The following ARHGEF5 variants were observed in gnomAD, a reference collection of about 807,000 sequenced individuals.
The protein encoded by ARHGEF5 is Rho guanine nucleotide exchange factor 5, also known as Rho guanine nucleotide exchange factor (GEF) 5.
ARHGEF5 carries 11 observed loss-of-function variants against 104.0 expected under a neutral mutation model. That is an observed-to-expected ratio of 0.11 (90% CI 0.07 to 0.18). The LOEUF is 0.18. ARHGEF5 is among the 10% of genes least tolerant of loss of function. The pLI, the probability that ARHGEF5 is intolerant of heterozygous loss-of-function variation, is 1.00. For missense variants in ARHGEF5, 165 were observed against 1,335.4 expected, an observed-to-expected ratio of 0.12 and a Z score of 13.66; for synonymous variants, 60 against 512.2, an observed-to-expected ratio of 0.12 and a Z score of 11.92.
chr7:144,359,919 G>C (rs1378688016), intron 1 of ARHGEF5, among the ~76,000 whole-genome samples: 8 of 144,334 alleles, frequency 5.5e-5, no homozygotes, highest in African/African-American at 2.0e-4. Context: ...TGCCCAAGCT[G>C]TGGCCGGGTG....
chr7:144,377,295 G>A (rs891640755), intron 13 of ARHGEF5, 105 bp downstream of exon 13: 4 of 1,544,472 alleles, frequency 2.6e-6, no homozygotes, highest in Admixed American at 4.1e-5. Context: ...TTCATTTATT[G>A]ATATTCCGTA....
chr7:144,374,998 ATGGCT>A, intron 11 of ARHGEF5, 109 bp downstream of exon 11: 1 of 449,944 alleles, frequency 2.2e-6, no homozygotes, highest in Non-Finnish European at 3.9e-6. Context: ...GCCCTTCTCA[ATGGCT>A]TAACCCATAG....
At chr7:144,374,219 T>A (rs1345898401) in intron 10 of ARHGEF5, among the ~76,000 whole-genome samples, 8 of 88,074 alleles carry the variant, frequency 9.1e-5, no homozygotes, top group African/African-American at 3.0e-4. Context: ...GACCACACCC[T>A]CATCTTTAAC....
At chr7:144,377,635 C>T (rs997240443) in intron 13 of ARHGEF5, among the ~76,000 whole-genome samples, 5 of 152,044 alleles carry the variant, frequency 3.3e-5, no homozygotes, top group African/African-American at 7.2e-5. Flanking sequence ...CATGGGGAGC[C>T]ACAGGCACAC....
At chr7:144,379,162 T>A (rs1329098453) in intron 14 of ARHGEF5, among the ~76,000 whole-genome samples, 1 of 152,234 alleles carries the variant, frequency 6.6e-6, no homozygotes, top group Non-Finnish European at 1.5e-5. Flanking sequence ...TGTCTTCCTG[T>A]GGCTAGCTGC....
chr7:144,378,044 C>G (rs1192203325), intron 13 of ARHGEF5, among the ~76,000 whole-genome samples: 1 of 152,172 alleles, frequency 6.6e-6, no homozygotes, highest in African/African-American at 2.4e-5. Flanking sequence ...CAAAAAAGAG[C>G]CATAAACCCA....
intron 9 of ARHGEF5, among the ~76,000 whole-genome samples, chr7:144,372,990 A>G (rs1346680694): frequency 7.3e-6 from 1 of 136,336 alleles, no homozygotes; most frequent in Non-Finnish European, 1.6e-5. Context: ...CCCCCCATTC[A>G]GTCTCACTTT....
rs1192556451 is a variant in ARHGEF5, at chr7:144,377,319, GA to G, written c.4531+131del. On this transcript the variant is annotated intron_variant, in intron 13 of 14. Coordinates refer to ENST00000056217, the MANE Select transcript of ARHGEF5 (RefSeq NM_005435.4). ...TGATATTCCGTAAAATGTCAGGGTG[GA>G]AGATTGGCCTCTAGAGCTTAAAAAC... 2.0e-6 allele frequency: 3 copies of G among 1,511,012 alleles called. No homozygotes were observed. In the African/African-American group the frequency reaches 4.2e-5, roughly 21 times the overall value. 93.6% of individuals were successfully genotyped at this position (1,511,012 alleles called of 1,614,324 possible).
chr7:144,376,058 G>C (rs1396021711), intron 12 of ARHGEF5, among the ~76,000 whole-genome samples: 3 of 150,626 alleles, frequency 2.0e-5, no homozygotes, highest in African/African-American at 7.3e-5. Flanking sequence ...GGTGGGCACA[G>C]ATGTGAATAA....
Position 144,378,879 on chromosome 7 carries a change from A to G in ARHGEF5, c.4636+13A>G, listed in dbSNP as rs961439929. ...CAGAGCAGTGACGGTAAGCGGGAGC[A>G]TGCGTGAGCAGCAGGCCAGGCACTG... On this transcript the variant is annotated intron_variant, in intron 14 of 14. Coordinates refer to ENST00000056217, the MANE Select transcript of ARHGEF5 (RefSeq NM_005435.4). The G allele has an allele frequency of 5.6e-6, 9 of 1,611,508 alleles. No homozygotes were observed. Among genetic ancestry groups the G allele is most frequent in the Non-Finnish European group, 7.6e-6 (9 of 1,177,734 alleles).
At chr7:144,378,656 A>G (rs1635079) in intron 13 of ARHGEF5, 106 bp from the exon 14 acceptor site, 525,353 of 855,406 alleles carry the variant, frequency 0.61, 163,095 homozygotes, top group East Asian at 0.75. Flanking sequence ...AACAGCCCAA[A>G]TCTGTCTCTA....
Position 144,379,853 on chromosome 7 carries a change from G to A in ARHGEF5, c.4637-46G>A, listed in dbSNP as rs762960756. The A allele has an allele frequency of 1.3e-5, 21 of 1,611,376 alleles. No homozygotes were observed. The Admixed American group carries it at 1.3e-4, about 10-fold the overall frequency. The stretch of plus-strand genomic sequence containing the variant: ...AGGAAGGTGATCCAGAGAAGCTATC[G>A]TGAGCCTTTCCCAGGTAATTCTTCC... On this transcript the variant is annotated intron_variant, in intron 14 of 14. Transcript: ENST00000056217.
At chr7:144,360,946 G>A (rs1168298374) in intron 1 of ARHGEF5, among the ~76,000 whole-genome samples, 2 of 146,146 alleles carry the variant, frequency 1.4e-5, no homozygotes, top group Non-Finnish European at 3.1e-5. Flanking sequence ...AAGATCAGGG[G>A]AGGCCAGGTG....
intron 13 of ARHGEF5, among the ~76,000 whole-genome samples, chr7:144,377,909 G>A (rs2053772911): frequency 6.6e-6 from 1 of 152,184 alleles, no homozygotes; most frequent in Non-Finnish European, 1.5e-5. Context: ...AGTGGGTGAG[G>A]AGGGCAGGAG....
rs1180835133 is a variant in ARHGEF5, at chr7:144,380,157, A to G, written c.*101A>G. 2 of 1,458,454 alleles carry G rather than the reference A, an allele frequency of 1.4e-6. No homozygotes were observed. The highest frequency in any genetic ancestry group is 2.3e-5 in the East Asian group (1 of 43,602). The allele number at this position is 1,458,454 out of a possible 1,614,324, so 90.3% of individuals were successfully genotyped here. On this transcript the variant is annotated 3_prime_UTR_variant, in exon 15 of 15. Coordinates refer to ENST00000056217, the MANE Select transcript of ARHGEF5 (RefSeq NM_005435.4). ...AGAGGCCTTCTGTGGATGGAGAACT[A>G]GGCCTTCTCAAAGCTCAAGGACAAA... is the stretch of plus-strand genomic sequence containing the variant.
intron 1 of ARHGEF5, among the ~76,000 whole-genome samples, chr7:144,360,917 T>C (rs1293796221): frequency 6.9e-6 from 1 of 145,838 alleles, no homozygotes; most frequent in Non-Finnish European, 1.5e-5. Flanking sequence ...CAAAGAGGGG[T>C]ACAATTTAAC....
Position 144,380,059 on chromosome 7 carries a change from C to A in ARHGEF5, c.*3C>A. On this transcript the variant is annotated 3_prime_UTR_variant, in exon 15 of 15. Transcript: ENST00000056217. ...AGCTGGTGGAACAGCAAGCCTAAGTCTTCTCTGAGAGGAGTTTCGTGAGCT... is the reference window on the plus strand; with the variant it reads ...AGCTGGTGGAACAGCAAGCCTAAGTATTCTCTGAGAGGAGTTTCGTGAGCT... 1 of 1,614,132 alleles carries A rather than the reference C, an allele frequency of 6.2e-7. No homozygotes were observed. The highest frequency in any genetic ancestry group is 8.5e-7 in the Non-Finnish European group (1 of 1,180,010).
At chr7:144,377,920 C>T (rs713253) in intron 13 of ARHGEF5, among the ~76,000 whole-genome samples, 19,485 of 152,170 alleles carry the variant, frequency 0.13, 1,565 homozygotes, top group South Asian at 0.23. Flanking sequence ...AGGGCAGGAG[C>T]ATTCTTCCTC....
chr7:144,377,624 C>T (rs2053770462), intron 13 of ARHGEF5, among the ~76,000 whole-genome samples: 1 of 152,088 alleles, frequency 6.6e-6, no homozygotes, highest in African/African-American at 2.4e-5. Flanking sequence ...TTCTGGGTGC[C>T]CATGGGGAGC....
Sources: gnomAD v4.1 joint callset for allele counts (sites outside exome capture counted in the v4.1 genomes callset) on GRCh38, gnomAD v4.1.1 for gene constraint, MANE v1.5 for transcripts, NCBI Gene and HGNC (gene_info 2026-07-23, HGNC 2026-07-21) for gene names.